The following MICAL2 variants were observed in gnomAD, a reference collection of about 807,000 sequenced individuals.
The protein encoded by MICAL2 is microtubule associated monooxygenase, calponin and LIM domain containing 2.
MICAL2 carries 77 observed loss-of-function variants against 127.3 expected under a neutral mutation model. That is an observed-to-expected ratio of 0.60 (90% CI 0.50 to 0.73). The LOEUF (loss-of-function observed/expected upper bound fraction) is 0.73. Ranked by LOEUF, MICAL2 falls within the 30% of genes least tolerant of loss-of-function variation. MICAL2 has a pLI of 0.00. For missense variants in MICAL2, 1,351 were observed against 1,434.4 expected (o/e 0.94, Z 0.94); for synonymous variants, 570 against 551.1 (o/e 1.03, Z -0.48).
chr11:12,293,547 C>A, downstream of MICAL2: 1 of 1,556,314 alleles, frequency 6.4e-7, no homozygotes, highest in South Asian at 1.2e-5. Context: ...GCTATTTTTG[C>A]CCATCCCATC....
chr11:12,273,906 G>C (rs1441937268), upstream of MICAL2, among the ~76,000 whole-genome samples: 8 of 152,218 alleles, frequency 5.3e-5, no homozygotes, highest in East Asian at 1.4e-3. Context: ...TAGTTTGGGA[G>C]TGGTGGAGGC....
At chr11:12,222,349 C>T (rs577091999) in intron 10 of MICAL2, among the ~76,000 whole-genome samples, 5 of 152,270 alleles carry the variant, frequency 3.3e-5, no homozygotes, top group Admixed American at 2.6e-4. Context: ...CACAGGCCAC[C>T]GTGCTGCCAG....
downstream of MICAL2, among the ~76,000 whole-genome samples, chr11:12,359,767 A>AT (rs892179671): frequency 4.7e-4 from 71 of 152,308 alleles, 2 homozygotes; most frequent in African/African-American, 1.7e-3. Context: ...TTCTTTGAAG[A>AT]TTTAGTCTAT....
chr11:12,225,692 T>A (rs1455270576), intron 13 of MICAL2: 1 of 158,414 alleles, frequency 6.3e-6, no homozygotes, highest in Non-Finnish European at 1.4e-5. Flanking sequence ...TTTGCCATGT[T>A]GGCCAGCCTG....
intron 3 of MICAL2, among the ~76,000 whole-genome samples, chr11:12,170,108 G>T (rs931735302): frequency 6.6e-6 from 1 of 152,104 alleles, no homozygotes; most frequent in East Asian, 1.9e-4. Context: ...AAACATTTGC[G>T]TGGTGCTTTA....
chr11:12,324,023 A>C, exon 31 of MICAL2: 2 of 1,612,586 alleles, frequency 1.2e-6, no homozygotes, highest in Non-Finnish European at 1.7e-6. Context: ...AAAAGCAATG[A>C]AGCAGTTGGT....
intron 2 of MICAL2, among the ~76,000 whole-genome samples, chr11:12,158,459 C>T (rs1416696931): frequency 6.6e-6 from 1 of 151,752 alleles, no homozygotes; most frequent in Non-Finnish European, 1.5e-5. Context: ...ATCCATTGGT[C>T]CCACATCACA....
chr11:12,114,627 A>G (rs1849854329), intron 1 of MICAL2, among the ~76,000 whole-genome samples: 1 of 152,220 alleles, frequency 6.6e-6, no homozygotes, highest in African/African-American at 2.4e-5. Context: ...CAGAGGCTCC[A>G]TAAGCATTTG....
chr11:12,212,692 C>A (rs1855637648), intron 6 of MICAL2, among the ~76,000 whole-genome samples: 1 of 152,134 alleles, frequency 6.6e-6, no homozygotes, highest in East Asian at 1.9e-4. Context: ...GACGCTATTT[C>A]CAATAGAGTC....
At chr11:12,332,138 G>A (rs1197897611) in intron 32 of MICAL2, among the ~76,000 whole-genome samples, 1 of 152,040 alleles carries the variant, frequency 6.6e-6, no homozygotes, top group Non-Finnish European at 1.5e-5. Context: ...TGGGTTTTGA[G>A]GCATGCCTCT....
intron 32 of MICAL2, among the ~76,000 whole-genome samples, chr11:12,339,587 T>C (rs1938824684): frequency 6.6e-6 from 1 of 152,200 alleles, no homozygotes; most frequent in Non-Finnish European, 1.5e-5. Context: ...TTTATCTACC[T>C]TTGGTCTTTG....
intron 3 of MICAL2, among the ~76,000 whole-genome samples, chr11:12,165,151 A>AAG (rs1554963124): frequency 1.6e-5 from 2 of 128,336 alleles, no homozygotes; most frequent in African/African-American, 5.8e-5. Flanking sequence ...AAAAAAAAAA[A>AAG]AAAAGAAAAG....
At chr11:12,310,913 T>G (rs1368045322) in intron 29 of MICAL2, among the ~76,000 whole-genome samples, 1 of 146,934 alleles carries the variant, frequency 6.8e-6, no homozygotes, top group East Asian at 1.9e-4. Flanking sequence ...ATTCCTAGGG[T>G]TTTTTTTATT....
At chr11:12,289,446 T>C (rs983470574), downstream of MICAL2, among the ~76,000 whole-genome samples, 1 of 152,162 alleles carries the variant, frequency 6.6e-6, no homozygotes, top group African/African-American at 2.4e-5. Flanking sequence ...GCTTCAGCAA[T>C]GTCTTTACTG....
intron 33 of MICAL2, among the ~76,000 whole-genome samples, chr11:12,350,798 A>G (rs1939031276): frequency 6.6e-6 from 1 of 152,212 alleles, no homozygotes; most frequent in Non-Finnish European, 1.5e-5. Flanking sequence ...GGCTGCAATA[A>G]CAAATTGCCA....
intron 32 of MICAL2, among the ~76,000 whole-genome samples, chr11:12,346,878 A>T (rs1273578385): frequency 6.6e-6 from 1 of 152,066 alleles, no homozygotes; most frequent in African/African-American, 2.4e-5. Flanking sequence ...AAAGATTAAC[A>T]CCTTATTTCC....
At chr11:12,224,919 T>C in intron 13 of MICAL2, 99 bp downstream of exon 13, 1 of 1,402,568 alleles carries the variant, frequency 7.1e-7, no homozygotes, top group Admixed American at 2.2e-5. Context: ...TTTCTCTTTC[T>C]GTGTTTCAAT....
At chr11:12,344,190 G>C (rs1003110634) in intron 32 of MICAL2, among the ~76,000 whole-genome samples, 2 of 152,092 alleles carry the variant, frequency 1.3e-5, no homozygotes, top group African/African-American at 4.8e-5. Context: ...CAGCTACTCA[G>C]GAGGCTGAGG....
In MICAL2 at chr11:12,251,577, TAAAAAAAAA is replaced by T. The variant is rs536942703; in HGVS notation, c.2847+2350_2847+2358del. Among the ~76,000 whole-genome samples the T allele has an allele frequency of 6.7e-4, 63 of 93,840 alleles. 1 individual carries two copies. The highest frequency in any genetic ancestry group is 1.7e-3 in the African/African-American group (42 of 24,116). 61.6% of individuals were successfully genotyped at this position (93,840 alleles called of 152,430 possible). On this transcript the variant is annotated intron_variant, in intron 22 of 27. Transcript: ENST00000683283. The stretch of plus-strand genomic sequence containing the variant: ...CCTTAAGGGTGCTTCCATTTCACTT[TAAAAAAAAA>T]AAAAAAAAAAAAAAAAAAGGAATGT...
Sources: allele counts gnomAD v4.1 joint callset (sites outside exome capture counted in the v4.1 genomes callset), GRCh38; gene constraint gnomAD v4.1.1; transcripts MANE v1.5; gene names NCBI Gene and HGNC (gene_info 2026-07-23, HGNC 2026-07-21).